Variants in PTGR1 observed in about 807,000 individuals in gnomAD.
The protein encoded by PTGR1 is 15-oxoprostaglandin 13-reductase.
PTGR1 carries 23 observed loss-of-function variants against 37.7 expected under a neutral mutation model. The ratio of observed to expected loss-of-function variants is 0.61; its 90% CI spans 0.44 to 0.86. The LOEUF (loss-of-function observed/expected upper bound fraction) is 0.86. PTGR1 is among the 40% of genes least tolerant of loss of function. The pLI is 0.00. For synonymous variants in PTGR1, 134 were observed against 140.0 expected (o/e 0.96, Z 0.30); for missense variants, 351 against 394.3 (o/e 0.89, Z 0.93).
At chr9:111,560,974 T>TATATAGAGAG (rs1564607823), downstream of PTGR1, among the ~76,000 whole-genome samples, 1 of 9,334 alleles carries the variant, frequency 1.1e-4, no homozygotes, top group Non-Finnish European at 1.9e-4. Context: ...TATATATATA[T>TATATAGAGAG]AGAGAGAGAG....
Position 111,570,199 on chromosome 9 carries a change from TG to T in PTGR1, c.770del (p.Pro257GlnfsTer28), listed in dbSNP as rs1828748201. Reference protein sequence around the residue: ...RTGPLPPGPPPEIVIYQELRM... With the variant: ...RTGPLPPGPPXEIVIYQELRM... The stretch of plus-strand genomic sequence containing the variant: ...GAAGCTCCTGATAGATAACAATCTC[TG>T]GGGGTGGGCCTGTGAAGAGAAGGGC... On this transcript the variant is annotated frameshift_variant, in exon 9 of 10. Transcript: ENST00000407693. LOFTEE classifies it high-confidence loss of function. The T allele has an allele frequency of 3.7e-6, 6 of 1,613,436 alleles. No homozygotes were observed. Among genetic ancestry groups the T allele is most frequent in the South Asian group, 2.2e-5 (2 of 91,034 alleles).
At chr9:111,570,602 T>A (rs1204297588) in intron 8 of PTGR1, among the ~76,000 whole-genome samples, 1 of 150,838 alleles carries the variant, frequency 6.6e-6, no homozygotes, top group Non-Finnish European at 1.5e-5. Flanking sequence ...AACCCCCGTC[T>A]CTTCTAAAAA....
At chr9:111,589,422 A>G (rs750592137) in intron 4 of PTGR1, 36 of 876,392 alleles carry the variant, frequency 4.1e-5, no homozygotes, top group Middle Eastern at 1.2e-3. Context: ...ATAAAGAATG[A>G]GATGTTTGGT....
At chr9:111,581,382 G>A (rs779922356) in intron 6 of PTGR1, among the ~76,000 whole-genome samples, 14 of 152,164 alleles carry the variant, frequency 9.2e-5, no homozygotes, top group East Asian at 1.9e-4. Flanking sequence ...GAAGAAAAAC[G>A]TTGGTCTTCA....
chr9:111,598,585 C>T (rs1221574309), intron 1 of PTGR1, among the ~76,000 whole-genome samples: 1 of 152,178 alleles, frequency 6.6e-6, no homozygotes, highest in East Asian at 1.9e-4. Context: ...ACCTCCGTCT[C>T]CCGGGTTCAA....
At position 111,586,799 on chromosome 9, in the gene PTGR1, C is replaced by A. The variant is rs141133631; in HGVS notation, c.210-634G>T. On this transcript the variant is annotated intron_variant, in intron 4 of 9. Coordinates refer to ENST00000407693, the MANE Select transcript of PTGR1 (RefSeq NM_001146108.2). ...ACTTTTCCACTCTCTCTCTCTCTCT[C>A]TCTCTATATATATATATATATGCAT... Among the ~76,000 whole-genome samples the A allele has an allele frequency of 6.4e-3, 950 of 148,106 alleles. 4 individuals carry two copies. The highest frequency in any genetic ancestry group is 0.027 in the East Asian group (137 of 5,012).
At chr9:111,587,315 T>C (rs1829465103) in intron 4 of PTGR1, among the ~76,000 whole-genome samples, 1 of 152,198 alleles carries the variant, frequency 6.6e-6, no homozygotes, top group South Asian at 2.1e-4. Flanking sequence ...ATATAATGCA[T>C]ATTTATTCTA....
downstream of PTGR1, among the ~76,000 whole-genome samples, chr9:111,559,295 A>G (rs1489075460): frequency 6.6e-6 from 1 of 152,088 alleles, no homozygotes; most frequent in African/African-American, 2.4e-5. Flanking sequence ...CTCCATGCCA[A>G]GCTGCCCCCA....
At chr9:111,552,537 C>T (rs537898956) in intron 9 of PTGR1, among the ~76,000 whole-genome samples, 121 of 152,252 alleles carry the variant, frequency 7.9e-4, no homozygotes, top group African/African-American at 2.6e-3. Flanking sequence ...GTGATAGAAA[C>T]TAACTTTTCT....
chr9:111,586,299 CT>C, intron 4 of PTGR1, 134 bp from the exon 5 acceptor site: 1 of 842,092 alleles, frequency 1.2e-6, no homozygotes. Context: ...TCCACCACCC[CT>C]CTCCATCTTA....
chr9:111,559,123 A>G (rs1255010623), downstream of PTGR1, among the ~76,000 whole-genome samples: 2 of 152,032 alleles, frequency 1.3e-5, no homozygotes, highest in Admixed American at 1.3e-4. Flanking sequence ...CCTCCCTGCC[A>G]AGCTATCCAT....
chr9:111,595,643 A>AT (rs1206370521), intron 2 of PTGR1, among the ~76,000 whole-genome samples: 3 of 151,616 alleles, frequency 2.0e-5, no homozygotes, highest in East Asian at 1.9e-4. Flanking sequence ...TTATTTATTT[A>AT]TTTTTTTTGA....
intron 9 of PTGR1, chr9:111,564,277 T>A: frequency 2.1e-6 from 1 of 485,732 alleles, no homozygotes; most frequent in Non-Finnish European, 2.8e-6. Context: ...AATTTAAACT[T>A]TTATTATTAT....
chr9:111,578,869 T>A lies in PTGR1; in HGVS notation c.578A>T (p.Tyr193Phe). ...QKLGFDVVFN[Y>F]KTVESLEETL... ...TTCTTCCAAAGACTCTACCGTCTTG[T>A]AGTTAAAGACGACATCAAATCCAAG... Residue 193 changes from tyrosine to phenylalanine, a missense_variant, in exon 7 of 10, where the codon TAC becomes TTC. Physicochemically the swap from Tyr to Phe is conservative, Grantham distance 22. Transcript: ENST00000407693. 6.2e-7 allele frequency: 1 copy of A among 1,612,314 alleles called. No homozygotes were observed. The highest frequency in any genetic ancestry group is 8.5e-7 in the Non-Finnish European group (1 of 1,178,964).
chr9:111,563,334 T>C, intron 9 of PTGR1, 103 bp from the exon 10 acceptor site: 1 of 1,202,144 alleles, frequency 8.3e-7, no homozygotes. Context: ...ATTGGAAACC[T>C]TGAAAATAAG....
At chr9:111,581,239 G>A (rs1223865258) in intron 6 of PTGR1, among the ~76,000 whole-genome samples, 1 of 152,172 alleles carries the variant, frequency 6.6e-6, no homozygotes, top group African/African-American at 2.4e-5. Context: ...TACAAAAGAT[G>A]TAATTATGAG....
downstream of PTGR1, among the ~76,000 whole-genome samples, chr9:111,561,988 C>T (rs959687797): frequency 9.3e-5 from 14 of 150,258 alleles, no homozygotes; most frequent in Admixed American, 7.3e-4. Context: ...TGGGCTCAAG[C>T]GATTTTCCTG....
At chr9:111,587,253 C>T (rs1234757027) in intron 4 of PTGR1, among the ~76,000 whole-genome samples, 1 of 152,126 alleles carries the variant, frequency 6.6e-6, no homozygotes, top group Non-Finnish European at 1.5e-5. Flanking sequence ...CCCTTTTCTT[C>T]ATCCAACTCT....
At chr9:111,597,783 G>C (rs1160073834) in intron 1 of PTGR1, among the ~76,000 whole-genome samples, 1 of 152,138 alleles carries the variant, frequency 6.6e-6, no homozygotes. Context: ...GTTTCTCTAC[G>C]GCACTGAACA....
Sources: allele counts gnomAD v4.1 joint callset (sites outside exome capture counted in the v4.1 genomes callset), GRCh38; gene constraint gnomAD v4.1.1; transcripts MANE v1.5; gene names NCBI Gene and HGNC (gene_info 2026-07-23, HGNC 2026-07-21).